Variants in CAB39 observed in about 807,000 individuals in gnomAD.
The protein encoded by CAB39 is calcium binding protein 39, also known as calcium-binding protein 39.
CAB39 carries 8 observed loss-of-function variants against 40.0 expected under a neutral mutation model. The ratio of observed to expected loss-of-function variants is 0.20; its 90% CI spans 0.12 to 0.36. CAB39 has a LOEUF of 0.36. Among genes scored for constraint, CAB39 ranks in the 10% least tolerant of loss-of-function variants. CAB39 has a pLI of 1.00. For missense variants in CAB39, 270 were observed against 401.1 expected (o/e 0.67, Z 2.79); for synonymous variants, 156 against 141.6 (o/e 1.10, Z -0.72).
chr2:230,749,133 T>C (rs1285114135), intron 1 of CAB39, among the ~76,000 whole-genome samples: 2 of 151,528 alleles, frequency 1.3e-5, no homozygotes, highest in Non-Finnish European at 2.9e-5. Flanking sequence ...ACATATATTC[T>C]TATATATACA....
At position 230,720,355 on chromosome 2, in the gene CAB39, G is replaced by T. The variant is rs531810690; in HGVS notation, c.-44+7125G>T. ...TTTGCAGCTCGGGATTCTATCACTG[G>T]TAAGAGATAAGGGTGATATTCACCA... On this transcript the variant is annotated intron_variant, in intron 1 of 8. Coordinates refer to ENST00000258418, the MANE Select transcript of CAB39 (RefSeq NM_016289.4). Among the ~76,000 whole-genome samples, 6 of 152,284 alleles carry T rather than the reference G, an allele frequency of 3.9e-5. No homozygotes were observed. In the East Asian group the frequency reaches 1.2e-3, roughly 29 times the overall value.
chr2:230,812,134 T>A (rs1398689303), intron 6 of CAB39, among the ~76,000 whole-genome samples: 1 of 152,236 alleles, frequency 6.6e-6, no homozygotes, highest in Admixed American at 6.5e-5. Flanking sequence ...AATTAAAAGA[T>A]GACAGTATTT....
At chr2:230,789,162 TC>T (rs1695849284) in intron 2 of CAB39, among the ~76,000 whole-genome samples, 1 of 152,228 alleles carries the variant, frequency 6.6e-6, no homozygotes, top group African/African-American at 2.4e-5. Flanking sequence ...CTGCTGTTAA[TC>T]CCATCTGGTA....
intron 2 of CAB39, among the ~76,000 whole-genome samples, chr2:230,784,186 T>G (rs1344798559): frequency 6.6e-6 from 1 of 152,068 alleles, no homozygotes; most frequent in Non-Finnish European, 1.5e-5. Flanking sequence ...AGGGGAGAGT[T>G]GAAGATGACT....
chr2:230,782,809 C>CTTTT lies in CAB39; in HGVS notation c.115-8060_115-8059insTTTT, dbSNP rs1408052300. On this transcript the variant is annotated intron_variant, in intron 2 of 8. Transcript: ENST00000258418. ...CTGCTGTTTCTTTCTTTCTTTCTTT[C>CTTTT]TTTCTTTTTTTTTTTTTTTTTTTGA... 1.3e-3 allele frequency among the ~76,000 whole-genome samples: 146 copies of CTTTT among 112,404 alleles called. 5 individuals carry two copies. Among genetic ancestry groups the CTTTT allele is most frequent in the African/African-American group, 3.7e-3 (78 of 21,036 alleles). The allele number at this position is 112,404 out of a possible 152,430, so 73.7% of individuals were successfully genotyped here. A position where few individuals can be genotyped will look rare whatever the true frequency, so the allele number is the denominator to read the frequency against.
intron 1 of CAB39, among the ~76,000 whole-genome samples, chr2:230,726,003 T>G (rs1694563377): frequency 6.6e-6 from 1 of 152,178 alleles, no homozygotes; most frequent in Non-Finnish European, 1.5e-5. Flanking sequence ...TTTAGTAGGA[T>G]TCTATTAAAT....
chr2:230,813,954 T>C (rs2124984087), intron 6 of CAB39, 95 bp from the exon 7 acceptor site: 1 of 600,334 alleles, frequency 1.7e-6, no homozygotes, highest in South Asian at 2.2e-5. Context: ...GTCCTTAAGC[T>C]AATTTACAAT....
At chr2:230,803,516 C>T (rs1315445444) in intron 5 of CAB39, among the ~76,000 whole-genome samples, 3 of 152,204 alleles carry the variant, frequency 2.0e-5, no homozygotes, top group East Asian at 1.9e-4. Context: ...CCCATCATCT[C>T]AGCCCAAAAT....
chr2:230,753,169 A>G (rs565896727), intron 1 of CAB39, among the ~76,000 whole-genome samples: 28 of 152,326 alleles, frequency 1.8e-4, no homozygotes, highest in Admixed American at 1.6e-3. Flanking sequence ...GAAGAAAACA[A>G]CTAGCGGAGA....
intron 2 of CAB39, among the ~76,000 whole-genome samples, chr2:230,778,193 AT>A (rs1214542759): frequency 6.6e-6 from 1 of 152,174 alleles, no homozygotes. Context: ...ACTACTAAAA[AT>A]TGGGGACAGT....
intron 2 of CAB39, among the ~76,000 whole-genome samples, chr2:230,778,600 A>C: frequency 6.6e-6 from 1 of 152,234 alleles, no homozygotes; most frequent in Non-Finnish European, 1.5e-5. Flanking sequence ...CTAATTGCTT[A>C]TTTTCCCACC....
intron 2 of CAB39, among the ~76,000 whole-genome samples, chr2:230,785,464 A>C (rs1424542319): frequency 6.6e-6 from 1 of 151,996 alleles, no homozygotes; most frequent in East Asian, 1.9e-4. Flanking sequence ...ATCAGGTTTA[A>C]AACTGATAGG....
chr2:230,716,178 T>A (rs1444881546), intron 1 of CAB39, among the ~76,000 whole-genome samples: 1 of 152,220 alleles, frequency 6.6e-6, no homozygotes, highest in Non-Finnish European at 1.5e-5. Flanking sequence ...ATACGTTTCC[T>A]AAAGTTAATG....
At chr2:230,771,199 A>C (rs1695477128) in intron 2 of CAB39, among the ~76,000 whole-genome samples, 1 of 152,222 alleles carries the variant, frequency 6.6e-6, no homozygotes, top group Non-Finnish European at 1.5e-5. Flanking sequence ...CACAGGTTAT[A>C]AGGTCAATAT....
intron 1 of CAB39, among the ~76,000 whole-genome samples, chr2:230,757,900 C>G (rs1695221468): frequency 6.6e-6 from 1 of 152,094 alleles, no homozygotes; most frequent in Non-Finnish European, 1.5e-5. Flanking sequence ...TGTGTCCCAT[C>G]TGGCTTGTAG....
At chr2:230,740,106 G>A (rs1339541035) in intron 1 of CAB39, among the ~76,000 whole-genome samples, 1 of 152,194 alleles carries the variant, frequency 6.6e-6, no homozygotes, top group African/African-American at 2.4e-5. Context: ...ATGAATATGT[G>A]TGCATCATGG....
intron 1 of CAB39, 68 bp downstream of exon 1, chr2:230,713,298 G>C (rs1694283788): frequency 6.6e-6 from 1 of 152,314 alleles, no homozygotes; most frequent in Admixed American, 6.5e-5. Context: ...GCCCCGCTGG[G>C]CCCTCACCGG....
chr2:230,818,394 G>A, intron 8 of CAB39, 122 bp from the exon 9 acceptor site: 2 of 681,518 alleles, frequency 2.9e-6, no homozygotes, highest in Middle Eastern at 4.1e-4. Flanking sequence ...AAAACCTAAT[G>A]ACCCTGACTT....
intron 1 of CAB39, among the ~76,000 whole-genome samples, chr2:230,748,844 A>ATATATATATG (rs1695033903): frequency 1.1e-5 from 1 of 87,732 alleles, no homozygotes; most frequent in Admixed American, 1.1e-4. Flanking sequence ...ATATATATAT[A>ATATATATATG]TATATATATA....
Sources: gnomAD v4.1 joint callset for allele counts (sites outside exome capture counted in the v4.1 genomes callset) on GRCh38, gnomAD v4.1.1 for gene constraint, MANE v1.5 for transcripts, NCBI Gene and HGNC (gene_info 2026-07-23, HGNC 2026-07-21) for gene names.